Variants in KDM4B observed in about 807,000 individuals in gnomAD.
KDM4B encodes lysine demethylase 4B, also known as lysine-specific demethylase 4B.
In KDM4B, 32 loss-of-function variants were observed where a neutral mutation model predicts 125.2. The observed-to-expected ratio is 0.26, with a 90% CI of 0.19 to 0.34. The LOEUF (loss-of-function observed/expected upper bound fraction) is 0.34. Ranked by LOEUF, KDM4B falls within the 10% of genes least tolerant of loss-of-function variation. KDM4B has a pLI of 1.00. For synonymous variants in KDM4B, 721 were observed against 677.9 expected (o/e 1.06, Z -0.99); for missense variants, 1,190 against 1,577.7 (o/e 0.75, Z 4.16).
intron 11 of KDM4B, among the ~76,000 whole-genome samples, chr19:5,120,593 A>C (rs2039342822): frequency 6.6e-6 from 1 of 152,154 alleles, no homozygotes; most frequent in South Asian, 2.1e-4. Flanking sequence ...TACCTTCCCC[A>C]GGGGGAGGTT....
At chr19:5,086,649 C>G (rs541718256) in intron 9 of KDM4B, among the ~76,000 whole-genome samples, 1 of 152,216 alleles carries the variant, frequency 6.6e-6, no homozygotes, top group Admixed American at 6.5e-5. Context: ...ACCTCCTCCC[C>G]CCCCCAGCCC....
chr19:5,001,898 CT>C (rs1221839964), intron 1 of KDM4B, among the ~76,000 whole-genome samples: 7 of 151,852 alleles, frequency 4.6e-5, no homozygotes, highest in Non-Finnish European at 1.0e-4. Context: ...TTTTCACTTG[CT>C]TTTTTCTATT....
intron 9 of KDM4B, among the ~76,000 whole-genome samples, chr19:5,094,504 G>A (rs7248815): frequency 0.014 from 2,140 of 152,356 alleles, 48 homozygotes; most frequent in African/African-American, 0.049. Flanking sequence ...GAGAGATGGG[G>A]CAGGGAGCCC....
rs558059826 is a variant in KDM4B, at chr19:5,141,038, C to T, written c.2551-2929C>T. On this transcript the variant is annotated intron_variant, in intron 18 of 22. Coordinates refer to ENST00000159111, the MANE Select transcript of KDM4B (RefSeq NM_015015.3). The surrounding 1 kb of genome is among the most constrained non-coding windows in gnomAD (Gnocchi z 6.4). ...AGATCAGTCTGGCAGGGTGGGTCTG[C>T]TGGGGAGACCACAAGGGTGGGACTG... 1 of 152,238 alleles carries T rather than the reference C, an allele frequency of 6.6e-6. No homozygotes were observed. The highest frequency in any genetic ancestry group is 1.5e-5 in the Non-Finnish European group (1 of 68,042). The allele number at this position is 152,238 out of a possible 1,614,324, so 9.4% of individuals were successfully genotyped here.
chr19:5,131,782 G>A, intron 12 of KDM4B, 105 bp from the exon 13 acceptor site: 2 of 1,433,408 alleles, frequency 1.4e-6, no homozygotes, highest in African/African-American at 1.4e-5. Flanking sequence ...CACCCCAGGA[G>A]AGGAGACTCA....
At chr19:5,144,687 G>T in intron 20 of KDM4B, 96 bp from the exon 21 acceptor site, 1 of 1,530,232 alleles carries the variant, frequency 6.5e-7, no homozygotes. Context: ...TTCAGGCAGA[G>T]AACCTCACTT....
intron 6 of KDM4B, among the ~76,000 whole-genome samples, chr19:5,056,578 G>T (rs948969896): frequency 1.6e-4 from 25 of 152,048 alleles, no homozygotes; most frequent in Non-Finnish European, 1.5e-5. Context: ...GCTGATTTTT[G>T]TATTTTTAGG....
intron 9 of KDM4B, among the ~76,000 whole-genome samples, chr19:5,096,692 C>T (rs1301185286): frequency 6.8e-6 from 1 of 146,152 alleles, no homozygotes; most frequent in Admixed American, 6.8e-5. Context: ...CCGGCGGTGT[C>T]GGTGGCGCGT....
rs753170236 is a variant in KDM4B at position 5,077,428 on chromosome 19, C to T, written c.738C>T (p.Ile246=). ...TCCTGCGGCATAAGATGACCCTCAT[C>T]TCGCCCATCATCCTGAAGAAGTACG... is the stretch of plus-strand genomic sequence containing the variant. ...DAFLRHKMTL[I]SPIILKKYGI... is the part of the protein sequence containing the mutation. The change falls in exon 8 of 23, where the codon ATC becomes ATT. Residue 246 remains isoleucine, a synonymous_variant. Coordinates refer to ENST00000159111, the MANE Select transcript of KDM4B (RefSeq NM_015015.3). 12 of 1,613,366 alleles carry T rather than the reference C, an allele frequency of 7.4e-6. No individual in the cohort carries two copies. In the Admixed American group the frequency reaches 2.0e-4, roughly 27 times the overall value.
In KDM4B at chr19:5,055,957, A is replaced by G. The variant is rs116235304; in HGVS notation, c.626+8288A>G. Among the ~76,000 whole-genome samples, 728 of 152,212 alleles carry G rather than the reference A, an allele frequency of 4.8e-3. 7 individuals carry two copies. Among genetic ancestry groups the G allele is most frequent in the African/African-American group, 0.017 (696 of 41,528 alleles). On this transcript the variant is annotated intron_variant, in intron 6 of 22. Coordinates refer to ENST00000159111, the MANE Select transcript of KDM4B (RefSeq NM_015015.3). ...ACTGATGCGTTATGAACTAAGATCCATTCTCCAGATTTCCTCTGTCTTCCC... is the reference window on the plus strand; with the variant it reads ...ACTGATGCGTTATGAACTAAGATCCGTTCTCCAGATTTCCTCTGTCTTCCC...
At chr19:5,027,075 C>T (rs2036303077) in intron 2 of KDM4B, among the ~76,000 whole-genome samples, 2 of 152,184 alleles carry the variant, frequency 1.3e-5, no homozygotes, top group Non-Finnish European at 2.9e-5. Context: ...GTCCCGTGAG[C>T]GGGAGACAGA....
chr19:5,129,924 G>A (rs199504203), intron 11 of KDM4B, among the ~76,000 whole-genome samples: 22 of 152,332 alleles, frequency 1.4e-4, no homozygotes, highest in African/African-American at 5.0e-4. Context: ...GCCCTCAGAG[G>A]GATTGCCCCG....
chr19:5,046,536 A>G (rs1169108311), intron 5 of KDM4B, among the ~76,000 whole-genome samples: 2 of 152,124 alleles, frequency 1.3e-5, no homozygotes, highest in Admixed American at 6.5e-5. Context: ...GCTCACGTTC[A>G]TGTGTGTCTG....
intron 1 of KDM4B, among the ~76,000 whole-genome samples, chr19:4,987,928 G>A (rs1262970725): frequency 6.6e-6 from 1 of 152,162 alleles, no homozygotes; most frequent in African/African-American, 2.4e-5. Context: ...GGAGTGGGGA[G>A]ATCACTGCTA....
At chr19:5,150,110 C>T (rs148796688) in intron 21 of KDM4B, among the ~76,000 whole-genome samples, 169 of 152,368 alleles carry the variant, frequency 1.1e-3, no homozygotes, top group Non-Finnish European at 1.7e-3. Flanking sequence ...AGCTGCGGGG[C>T]CCTGCCTCTG....
Position 4,971,308 on chromosome 19 carries a change from T to A in KDM4B, c.-109+2078T>A, listed in dbSNP as rs373420395. ...CCTTCCTCAGCCTCCTGCCCTGTCTTCAGTCCCTGTCCCGTCCTGCAGGAG... is the reference window on the plus strand; with the variant it reads ...CCTTCCTCAGCCTCCTGCCCTGTCTACAGTCCCTGTCCCGTCCTGCAGGAG... On this transcript the variant is annotated intron_variant, in intron 1 of 22. Coordinates refer to ENST00000159111, the MANE Select transcript of KDM4B (RefSeq NM_015015.3). This position sits in a 1 kb window ranked among gnomAD's most constrained non-coding sequence, Gnocchi z 4.1. Among the ~76,000 whole-genome samples, 7 of 152,286 alleles carry A rather than the reference T, an allele frequency of 4.6e-5. No individual in the cohort carries two copies. The East Asian group carries it at 1.4e-3, about 29-fold the overall frequency.
intron 9 of KDM4B, among the ~76,000 whole-genome samples, chr19:5,105,528 G>T (rs1177196776): frequency 6.6e-6 from 1 of 152,226 alleles, no homozygotes; most frequent in Non-Finnish European, 1.5e-5. Context: ...GACCGCCTGG[G>T]CTCAGGTGAT....
intron 9 of KDM4B, among the ~76,000 whole-genome samples, chr19:5,106,852 A>G (rs549560257): frequency 1.6e-4 from 24 of 152,304 alleles, no homozygotes; most frequent in Non-Finnish European, 3.2e-4. Flanking sequence ...GAGCAGTGAG[A>G]CCAGGATCTT....
In KDM4B at chr19:5,142,034, T is replaced by G. The variant is rs977042427; in HGVS notation, c.2551-1933T>G. On this transcript the variant is annotated intron_variant, in intron 18 of 22. Coordinates refer to ENST00000159111, the MANE Select transcript of KDM4B (RefSeq NM_015015.3). This position sits in a 1 kb window ranked among gnomAD's most constrained non-coding sequence, Gnocchi z 5.4. ...TTGGTGGACAGCCACTGCGCCTCAG[T>G]GTGTGACAGGCTGAGGACACAGCTT... Among the ~76,000 whole-genome samples, 2 of 152,096 alleles carry G rather than the reference T, an allele frequency of 1.3e-5. No homozygotes were observed. Among genetic ancestry groups the G allele is most frequent in the African/African-American group, 4.8e-5 (2 of 41,406 alleles).
Sources: gnomAD v4.1 joint callset for allele counts (sites outside exome capture counted in the v4.1 genomes callset) on GRCh38, gnomAD v4.1.1 for gene constraint, Gnocchi (gnomAD v3.1) non-coding constraint, MANE v1.5 for transcripts, NCBI Gene and HGNC (gene_info 2026-07-23, HGNC 2026-07-21) for gene names.